The following PDE8B variants were observed in gnomAD, a reference collection of about 807,000 sequenced individuals.
The protein encoded by PDE8B is high affinity cAMP-specific and IBMX-insensitive 3',5'-cyclic phosphodiesterase 8B.
Under a neutral mutation model 101.3 loss-of-function variants are expected in PDE8B, and 26 were observed. The observed-to-expected ratio is 0.26, with a 90% CI of 0.19 to 0.36. PDE8B has a LOEUF of 0.36. Among genes scored for constraint, PDE8B ranks in the 10% least tolerant of loss-of-function variants. PDE8B has a pLI of 1.00. For missense variants in PDE8B, 810 were observed against 1,163.1 expected (o/e 0.70, Z 4.42); for synonymous variants, 424 against 429.3 (o/e 0.99, Z 0.15).
the PDE8B span, chr5:77,151,436 A>G: frequency 9.8e-5 from 15 of 152,386 alleles, no homozygotes; most frequent in East Asian, 1.7e-3. Flanking sequence ...CTAAGAAGCC[A>G]TGATCTTCCT....
At chr5:77,270,585 A>T (rs1373846701) in intron 1 of PDE8B, among the ~76,000 whole-genome samples, 2 of 152,224 alleles carry the variant, frequency 1.3e-5, no homozygotes, top group African/African-American at 4.8e-5. Flanking sequence ...TATTTGGCTG[A>T]GGGACCCTGA....
At chr5:77,280,138 C>T (rs772099924) in intron 1 of PDE8B, among the ~76,000 whole-genome samples, 3 of 152,322 alleles carry the variant, frequency 2.0e-5, no homozygotes, top group African/African-American at 7.2e-5. Context: ...ACTTGAGAGC[C>T]GTACCTGGGC....
intron 1 of PDE8B, among the ~76,000 whole-genome samples, chr5:77,244,823 G>A (rs1756534921): frequency 1.3e-5 from 2 of 152,106 alleles, no homozygotes; most frequent in African/African-American, 4.8e-5. Context: ...GGCTCCAGGG[G>A]CCATCCTCTT....
intron 4 of PDE8B, 94 bp downstream of exon 4, chr5:77,329,151 G>A: frequency 1.1e-6 from 1 of 928,346 alleles, no homozygotes; most frequent in Non-Finnish European, 1.8e-6. Context: ...CTAAGCAATG[G>A]GTGTGTCTTG....
chr5:77,375,543 T>C (rs540052023), intron 10 of PDE8B, among the ~76,000 whole-genome samples: 1 of 152,246 alleles, frequency 6.6e-6, no homozygotes, highest in East Asian at 1.9e-4. Flanking sequence ...TGAGAATAGG[T>C]CCCATGGCTG....
At chr5:77,252,515 TC>T (rs1370618141) in intron 1 of PDE8B, among the ~76,000 whole-genome samples, 1 of 152,326 alleles carries the variant, frequency 6.6e-6, no homozygotes, top group African/African-American at 2.4e-5. Context: ...GGCACGTTGG[TC>T]CTAATTTCTT....
At chr5:77,267,084 G>A (rs1269885222) in intron 1 of PDE8B, among the ~76,000 whole-genome samples, 1 of 152,030 alleles carries the variant, frequency 6.6e-6, no homozygotes, top group Non-Finnish European at 1.5e-5. Context: ...AGGCTTATTT[G>A]TTGCTCAGTT....
At chr5:77,231,346 T>G (rs1753521518) in intron 1 of PDE8B, among the ~76,000 whole-genome samples, 1 of 152,212 alleles carries the variant, frequency 6.6e-6, no homozygotes, top group Non-Finnish European at 1.5e-5. Context: ...TTTCAGTTCT[T>G]TTTGCTTTTT....
At chr5:77,255,180 T>G (rs1758845066) in intron 1 of PDE8B, among the ~76,000 whole-genome samples, 1 of 152,156 alleles carries the variant, frequency 6.6e-6, no homozygotes, top group South Asian at 2.1e-4. Flanking sequence ...GGTGGTACAC[T>G]CTTTTTGGGG....
At chr5:77,092,285 A>T in the PDE8B span, among the ~76,000 whole-genome samples, 1 of 152,114 alleles carries the variant, frequency 6.6e-6, no homozygotes, top group East Asian at 1.9e-4. Flanking sequence ...TTTTCGTGTA[A>T]TCAGAAATCT....
intron 1 of PDE8B, among the ~76,000 whole-genome samples, chr5:77,286,175 C>T (rs1765971472): frequency 6.6e-6 from 1 of 152,110 alleles, no homozygotes; most frequent in Non-Finnish European, 1.5e-5. Context: ...AGGCGATTAG[C>T]TTGATTACAC....
At chr5:77,208,466 G>A (rs1747682683), upstream of PDE8B, among the ~76,000 whole-genome samples, 1 of 152,210 alleles carries the variant, frequency 6.6e-6, no homozygotes, top group Non-Finnish European at 1.5e-5. Context: ...ATAGAGACTA[G>A]TGTTTTTGCA....
At chr5:77,390,204 C>T (rs888326773) in intron 10 of PDE8B, among the ~76,000 whole-genome samples, 1 of 152,160 alleles carries the variant, frequency 6.6e-6, no homozygotes, top group Non-Finnish European at 1.5e-5. Flanking sequence ...ATACCTAACT[C>T]AGAATTAATA....
At chr5:77,302,743 C>T (rs1770260208) in intron 1 of PDE8B, among the ~76,000 whole-genome samples, 2 of 152,300 alleles carry the variant, frequency 1.3e-5, no homozygotes, top group Middle Eastern at 3.4e-3. Context: ...CAGACCTGGG[C>T]TTAAATCTCA....
intron 1 of PDE8B, among the ~76,000 whole-genome samples, chr5:77,235,457 C>A (rs1754466166): frequency 6.6e-6 from 1 of 152,184 alleles, no homozygotes; most frequent in Admixed American, 6.5e-5. Context: ...CTGTTAGAGT[C>A]TCATTCTTGC....
chr5:77,293,754 C>T (rs1255457701), intron 1 of PDE8B, among the ~76,000 whole-genome samples: 2 of 152,228 alleles, frequency 1.3e-5, no homozygotes, highest in Non-Finnish European at 2.9e-5. Context: ...TGCTTGCCAG[C>T]AATTAACATT....
At chr5:77,156,492 C>T in the PDE8B span, among the ~76,000 whole-genome samples, 37 of 152,258 alleles carry the variant, frequency 2.4e-4, 1 homozygote, top group African/African-American at 8.4e-4. Context: ...TACCCAAGGA[C>T]GATTAAGTGC....
the PDE8B span, among the ~76,000 whole-genome samples, chr5:77,199,512 G>T: frequency 2.6e-5 from 4 of 152,228 alleles, no homozygotes; most frequent in African/African-American, 9.6e-5. Flanking sequence ...GTTTATGTTG[G>T]TGATTTCGAA....
intron 1 of PDE8B, among the ~76,000 whole-genome samples, chr5:77,212,975 T>C (rs1748826976): frequency 6.6e-6 from 1 of 152,196 alleles, no homozygotes; most frequent in Admixed American, 6.5e-5. Flanking sequence ...TTTTCTAGAA[T>C]ATCTATAATC....
Sources: allele counts gnomAD v4.1 joint callset (sites outside exome capture counted in the v4.1 genomes callset), GRCh38; gene constraint gnomAD v4.1.1; transcripts MANE v1.5; gene names NCBI Gene and HGNC (gene_info 2026-07-23, HGNC 2026-07-21).